CCDC169: variants seen among roughly 807,000 people sequenced by gnomAD.
CCDC169 encodes coiled-coil domain containing 169.
In CCDC169, 30 loss-of-function variants were observed where a neutral mutation model predicts 36.0. The ratio of observed to expected loss-of-function variants is 0.83; its 90% CI spans 0.62 to 1.13. The LOEUF (loss-of-function observed/expected upper bound fraction) is 1.13, where lower values mean the gene tolerates loss of function less well. Ranked by LOEUF, CCDC169 falls within the 50% of genes most tolerant of loss-of-function variation. CCDC169 has a pLI of 0.00. For missense variants in CCDC169, 245 were observed against 245.9 expected (o/e 1.00, Z 0.03); for synonymous variants, 85 against 81.5 (o/e 1.04, Z -0.23).
rs565381460 is a variant in CCDC169 at position 36,272,233 on chromosome 13, C to A, written c.315+11236G>T. 5.2e-4 allele frequency among the ~76,000 whole-genome samples: 77 copies of A among 147,900 alleles called. 1 individual carries two copies. Among genetic ancestry groups the A allele is most frequent in the Non-Finnish European group, 8.8e-4 (59 of 66,922 alleles). On this transcript the variant is annotated intron_variant, in intron 4 of 7. Coordinates refer to ENST00000239859, the MANE Select transcript of CCDC169 (RefSeq NM_001144981.3). ...TCATCCATGTGACAAAAAAAAAAAA[C>A]CATTTGTACCCCAAAATGTATTGAA... is the stretch of plus-strand genomic sequence containing the variant.
chr13:36,234,835 T>A (rs1451662695), intron 7 of CCDC169, among the ~76,000 whole-genome samples: 2 of 152,096 alleles, frequency 1.3e-5, no homozygotes, highest in East Asian at 3.8e-4. Context: ...TAGAGACTTT[T>A]GTGTTGAAAT....
At chr13:36,288,659 G>A (rs1483380475) in intron 2 of CCDC169, among the ~76,000 whole-genome samples, 1 of 152,022 alleles carries the variant, frequency 6.6e-6, no homozygotes, top group South Asian at 2.1e-4. Context: ...AAAATTTAAG[G>A]TTACTAAGAA....
intron 4 of CCDC169, among the ~76,000 whole-genome samples, chr13:36,278,179 G>A (rs1244873575): frequency 1.3e-5 from 2 of 152,068 alleles, no homozygotes; most frequent in African/African-American, 4.8e-5. Context: ...AACAGAACAG[G>A]AACTAACAGA....
chr13:36,240,299 C>A (rs1871635428), intron 7 of CCDC169, among the ~76,000 whole-genome samples: 1 of 151,926 alleles, frequency 6.6e-6, no homozygotes, highest in Non-Finnish European at 1.5e-5. Context: ...TATACATATT[C>A]TTATATAAAA....
In CCDC169 at chr13:36,283,456, C is replaced by A; in HGVS notation, c.315+13G>T. ...TTCAATTATTCTTTGTGTTTAATCA[C>A]ATTTCTACTCACCACTGGCATTCGT... On this transcript the variant is annotated intron_variant, in intron 4 of 7. Coordinates refer to ENST00000239859, the MANE Select transcript of CCDC169 (RefSeq NM_001144981.3). The A allele has an allele frequency of 6.5e-7, 1 of 1,545,768 alleles. No homozygotes were observed. The highest frequency in any genetic ancestry group is 8.7e-7 in the Non-Finnish European group (1 of 1,142,962).
chr13:36,281,627 C>T lies in CCDC169; in HGVS notation c.315+1842G>A, dbSNP rs147983846. On this transcript the variant is annotated intron_variant, in intron 4 of 7. Coordinates refer to ENST00000239859, the MANE Select transcript of CCDC169 (RefSeq NM_001144981.3). The stretch of plus-strand genomic sequence containing the variant: ...CCTGTCATCCCAGCACTTTGGGAGG[C>T]GAGGCAGGTGGATTGCTTGAGCTCA... Among the ~76,000 whole-genome samples, 406 of 152,188 alleles carry T rather than the reference C, an allele frequency of 2.7e-3. 2 individuals carry two copies. Among genetic ancestry groups the T allele is most frequent in the Middle Eastern group, 0.01 (3 of 294 alleles).
At chr13:36,251,521 T>C (rs1449297036) in intron 6 of CCDC169, among the ~76,000 whole-genome samples, 1 of 150,428 alleles carries the variant, frequency 6.6e-6, no homozygotes, top group Non-Finnish European at 1.5e-5. Context: ...GGTAAATGAA[T>C]GCTTTGGGGA....
downstream of CCDC169, chr13:36,224,766 T>C (rs1869776019): frequency 6.6e-6 from 1 of 152,162 alleles, no homozygotes; most frequent in Non-Finnish European, 1.5e-5. Flanking sequence ...ACTAACATCA[T>C]TTTTCACAGA....
At chr13:36,245,349 G>T (rs1872370210) in intron 7 of CCDC169, among the ~76,000 whole-genome samples, 1 of 152,018 alleles carries the variant, frequency 6.6e-6, no homozygotes, top group South Asian at 2.1e-4. Context: ...GACCAGGCTG[G>T]ATTGCAGTGG....
chr13:36,262,899 A>C (rs1874769501), intron 4 of CCDC169, among the ~76,000 whole-genome samples: 1 of 152,134 alleles, frequency 6.6e-6, no homozygotes, highest in Admixed American at 6.5e-5. Context: ...GGGACATATA[A>C]AGCAGTGAAA....
intron 7 of CCDC169, among the ~76,000 whole-genome samples, chr13:36,246,930 A>C (rs1211522733): frequency 6.6e-6 from 1 of 152,326 alleles, no homozygotes; most frequent in Middle Eastern, 3.4e-3. Context: ...TCACCCAGAC[A>C]TTCCTAGCTA....
At chr13:36,295,712 T>C (rs750364769) in intron 2 of CCDC169, 66 bp downstream of exon 2, 20 of 839,798 alleles carry the variant, frequency 2.4e-5, no homozygotes, top group East Asian at 8.2e-5. Flanking sequence ...TAATGCACCA[T>C]AGATATCCTG....
chr13:36,248,792 C>G, intron 6 of CCDC169, 110 bp from the exon 7 acceptor site: 1 of 929,190 alleles, frequency 1.1e-6, no homozygotes, highest in Non-Finnish European at 1.6e-6. Flanking sequence ...TCTTTTGCAG[C>G]ATGTGTAAGA....
chr13:36,287,324 T>C (rs1027656461), intron 2 of CCDC169, among the ~76,000 whole-genome samples: 4 of 152,116 alleles, frequency 2.6e-5, no homozygotes, highest in Admixed American at 1.3e-4. Flanking sequence ...AAAACTGCCA[T>C]AGAGACTCCT....
intron 4 of CCDC169, among the ~76,000 whole-genome samples, chr13:36,258,092 G>A (rs1051438531): frequency 6.6e-6 from 1 of 151,586 alleles, no homozygotes; most frequent in Non-Finnish European, 1.5e-5. Context: ...TTTGACCCTA[G>A]TTTTCAAATC....
intron 7 of CCDC169, among the ~76,000 whole-genome samples, chr13:36,234,458 T>G (rs1249032230): frequency 6.6e-6 from 1 of 152,072 alleles, no homozygotes; most frequent in Non-Finnish European, 1.5e-5. Flanking sequence ...TTTCCCAAAT[T>G]TCATTAAAAA....
At position 36,295,853 on chromosome 13, in the gene CCDC169, CATCCCTGTTATTTA is replaced by C. The variant is rs1566095387; in HGVS notation, c.84-10_87del. 3.2e-5 allele frequency: 49 copies of C among 1,521,094 alleles called. No homozygotes were observed. The highest frequency in any genetic ancestry group is 4.2e-5 in the Non-Finnish European group (47 of 1,125,442). 94.2% of individuals were successfully genotyped at this position (1,521,094 alleles called of 1,614,324 possible). A position where few individuals can be genotyped will look rare whatever the true frequency, so the allele number is the denominator to read the frequency against. On this transcript the variant is annotated splice_acceptor_variant and splice_polypyrimidine_tract_variant and coding_sequence_variant and intron_variant, in exon 2 of 8. Transcript: ENST00000239859. LOFTEE classifies it high-confidence loss of function. ...AGTTCAAATATTGAGAGTTGCACTG[CATCCCTGTTATTTA>C]AAATATTTTTGTTGATTATAATTCA...
At chr13:36,254,898 C>G (rs762751448) in intron 4 of CCDC169, among the ~76,000 whole-genome samples, 2 of 152,164 alleles carry the variant, frequency 1.3e-5, no homozygotes, top group African/African-American at 2.4e-5. Context: ...GCTTTGGACC[C>G]AAGCCCTCAC....
At chr13:36,228,798 G>T (rs1172707892), downstream of CCDC169, among the ~76,000 whole-genome samples, 1 of 152,020 alleles carries the variant, frequency 6.6e-6, no homozygotes. Context: ...CAATTCACCC[G>T]CCTCACCCTC....
Sources: gnomAD v4.1 joint callset for allele counts (sites outside exome capture counted in the v4.1 genomes callset) on GRCh38, gnomAD v4.1.1 for gene constraint, MANE v1.5 for transcripts, NCBI Gene and HGNC (gene_info 2026-07-23, HGNC 2026-07-21) for gene names.